The following ENOX1 variants were observed in gnomAD, a reference collection of about 807,000 sequenced individuals.
ENOX1 encodes the protein candidate growth-related and time keeping constitutive hydroquinone (NADH) oxidase.
A neutral mutation model predicts 82.5 loss-of-function variants in ENOX1; 42 were observed. The observed-to-expected ratio is 0.51, with a 90% confidence interval of 0.40 to 0.66. The LOEUF (loss-of-function observed/expected upper bound fraction) is 0.66, where lower values mean the gene tolerates loss of function less well. ENOX1 is among the 30% of genes least tolerant of loss of function. ENOX1 has a pLI of 0.00. For missense variants in ENOX1, 608 were observed against 811.6 expected (o/e 0.75, Z 3.05); for synonymous variants, 271 against 282.2 (o/e 0.96, Z 0.40).
intron 15 of ENOX1, among the ~76,000 whole-genome samples, chr13:43,227,993 C>T (rs1269089026): frequency 1.3e-5 from 2 of 151,604 alleles, no homozygotes; most frequent in Non-Finnish European, 2.9e-5. Context: ...ACCACAGAAG[C>T]ATCAGTCATG....
At chr13:43,335,321 G>A (rs967124620) in intron 9 of ENOX1, among the ~76,000 whole-genome samples, 21 of 152,192 alleles carry the variant, frequency 1.4e-4, no homozygotes, top group Admixed American at 5.2e-4. Context: ...TTTCAGTTAC[G>A]CAGAGTCAAG....
At chr13:43,329,686 A>G (rs568749864) in intron 9 of ENOX1, among the ~76,000 whole-genome samples, 1 of 152,338 alleles carries the variant, frequency 6.6e-6, no homozygotes, top group South Asian at 2.1e-4. Flanking sequence ...TTTTATACTT[A>G]TGAACTTATA....
chr13:43,534,309 G>A (rs191141354), intron 2 of ENOX1, among the ~76,000 whole-genome samples: 3 of 152,174 alleles, frequency 2.0e-5, no homozygotes, highest in Admixed American at 2.0e-4. Flanking sequence ...GCTGGCAACT[G>A]CTGAGTTAAA....
At chr13:43,515,828 C>T (rs1236365078) in intron 2 of ENOX1, among the ~76,000 whole-genome samples, 3 of 152,186 alleles carry the variant, frequency 2.0e-5, no homozygotes, top group Non-Finnish European at 4.4e-5. Context: ...GCTCCATACT[C>T]CAATGCCTTC....
chr13:43,598,349 C>G (rs539724399), intron 2 of ENOX1, among the ~76,000 whole-genome samples: 15 of 152,292 alleles, frequency 9.8e-5, no homozygotes, highest in African/African-American at 3.6e-4. Flanking sequence ...TAGTGCTTGG[C>G]ACATCATAGG....
chr13:43,674,888 C>T (rs1251254545), intron 1 of ENOX1, among the ~76,000 whole-genome samples: 1 of 152,098 alleles, frequency 6.6e-6, no homozygotes, highest in Admixed American at 6.6e-5. Context: ...TTACTGCCAA[C>T]CTAAAACTGC....
At chr13:43,533,287 T>G (rs981502647) in intron 2 of ENOX1, among the ~76,000 whole-genome samples, 2 of 152,104 alleles carry the variant, frequency 1.3e-5, no homozygotes, top group African/African-American at 2.4e-5. Context: ...CAGCTATGGG[T>G]GCCTACATTC....
chr13:43,779,692 T>C (rs1026613649), intron 1 of ENOX1, among the ~76,000 whole-genome samples: 3 of 152,104 alleles, frequency 2.0e-5, no homozygotes, highest in African/African-American at 7.2e-5. Flanking sequence ...ACTGACAACA[T>C]TATTAAGTCC....
At chr13:43,291,819 A>T (rs945538581) in intron 12 of ENOX1, among the ~76,000 whole-genome samples, 3 of 152,324 alleles carry the variant, frequency 2.0e-5, no homozygotes, top group Non-Finnish European at 1.5e-5. Flanking sequence ...AAACTTACAA[A>T]AACAAGGAGA....
At chr13:43,721,849 G>A (rs1271116025) in intron 1 of ENOX1, among the ~76,000 whole-genome samples, 1 of 152,114 alleles carries the variant, frequency 6.6e-6, no homozygotes, top group Non-Finnish European at 1.5e-5. Flanking sequence ...CAGCACCTAG[G>A]CTATTGCTTT....
intron 2 of ENOX1, among the ~76,000 whole-genome samples, chr13:43,555,285 C>A (rs994205230): frequency 2.0e-5 from 3 of 152,344 alleles, no homozygotes; most frequent in South Asian, 4.1e-4. Context: ...GTATATGTGT[C>A]CTCAACCATC....
At chr13:43,360,249 T>C (rs544004579) in intron 6 of ENOX1, among the ~76,000 whole-genome samples, 192 bp from the exon 7 acceptor site, 2 of 152,338 alleles carry the variant, frequency 1.3e-5, no homozygotes, top group East Asian at 3.9e-4. Flanking sequence ...ACCTTTACTT[T>C]CTGTGTTCAT....
chr13:43,445,278 C>T (rs901512949), intron 3 of ENOX1, among the ~76,000 whole-genome samples: 2 of 152,026 alleles, frequency 1.3e-5, no homozygotes, highest in South Asian at 2.1e-4. Flanking sequence ...CACCCACCAC[C>T]ACGCCTGGCT....
At chr13:43,588,759 C>T (rs1206437202) in intron 2 of ENOX1, among the ~76,000 whole-genome samples, 1 of 152,182 alleles carries the variant, frequency 6.6e-6, no homozygotes, top group Admixed American at 6.5e-5. Flanking sequence ...TCTGGTGATG[C>T]CAATGTGGCA....
intron 3 of ENOX1, among the ~76,000 whole-genome samples, chr13:43,432,329 ATT>A (rs1566203641): frequency 1.3e-5 from 2 of 152,106 alleles, no homozygotes; most frequent in Non-Finnish European, 2.9e-5. Context: ...AGAAGTTATG[ATT>A]TTTCTGGACT....
At chr13:43,228,841 T>A (rs2042143610) in intron 15 of ENOX1, among the ~76,000 whole-genome samples, 1 of 152,180 alleles carries the variant, frequency 6.6e-6, no homozygotes, top group African/African-American at 2.4e-5. Flanking sequence ...ATAAAAATTT[T>A]TAGATAGTGC....
chr13:43,612,142 A>G (rs1277689253), intron 2 of ENOX1, among the ~76,000 whole-genome samples: 5 of 152,184 alleles, frequency 3.3e-5, no homozygotes, highest in Admixed American at 6.5e-5. Flanking sequence ...AAGGAAAAAC[A>G]TTTCAACTAC....
intron 2 of ENOX1, among the ~76,000 whole-genome samples, chr13:43,612,157 G>T (rs1398182409): frequency 1.3e-5 from 2 of 152,148 alleles, no homozygotes; most frequent in Non-Finnish European, 2.9e-5. Flanking sequence ...AACTACTCTG[G>T]AAGCTGACCT....
At chr13:43,469,871 A>G (rs1470259076) in intron 3 of ENOX1, among the ~76,000 whole-genome samples, 2 of 152,042 alleles carry the variant, frequency 1.3e-5, no homozygotes, top group African/African-American at 4.8e-5. Context: ...TGACTTGAAG[A>G]CTTACTATAA....
Sources: allele counts gnomAD v4.1 joint callset (sites outside exome capture counted in the v4.1 genomes callset), GRCh38; gene constraint gnomAD v4.1.1; transcripts MANE v1.5; gene names NCBI Gene and HGNC (gene_info 2026-07-23, HGNC 2026-07-21).